Variants in ITCH observed in about 807,000 individuals in gnomAD.
ITCH encodes itchy E3 ubiquitin protein ligase.
In ITCH, 28 loss-of-function variants were observed where a neutral mutation model predicts 126.8. That is an observed-to-expected ratio of 0.22 (90% CI 0.16 to 0.30). The LOEUF is 0.30. Among genes scored for constraint, ITCH ranks in the 10% least tolerant of loss-of-function variants. The pLI, the probability that ITCH is intolerant of heterozygous loss-of-function variation, is 1.00. For missense variants in ITCH, 631 were observed against 1,032.4 expected, an observed-to-expected ratio of 0.61 and a Z score of 5.33; for synonymous variants, 342 against 340.0, an observed-to-expected ratio of 1.01 and a Z score of -0.06.
chr20:34,476,545 T>G, intron 16 of ITCH: 4 of 877,772 alleles, frequency 4.6e-6, no homozygotes, highest in Non-Finnish European at 5.9e-6. Flanking sequence ...CTCATTTGCG[T>G]TGCTGTATAC....
At chr20:34,434,904 A>G (rs1982803786) in intron 7 of ITCH, among the ~76,000 whole-genome samples, 1 of 152,186 alleles carries the variant, frequency 6.6e-6, no homozygotes, top group African/African-American at 2.4e-5. Context: ...AGTTTTAGGT[A>G]TTTGAATACT....
At chr20:34,432,048 CAAAAA>C (rs10668679) in intron 7 of ITCH, among the ~76,000 whole-genome samples, 2 of 92,232 alleles carry the variant, frequency 2.2e-5, no homozygotes, top group East Asian at 3.3e-4. Context: ...GATTCTATGT[CAAAAA>C]AAAAAAAAAA....
chr20:34,445,021 C>T (rs1009784164), intron 10 of ITCH, among the ~76,000 whole-genome samples: 1 of 152,170 alleles, frequency 6.6e-6, no homozygotes, highest in African/African-American at 2.4e-5. Context: ...GTAAAAACAA[C>T]ATTGAAAAGA....
At chr20:34,469,983 C>T in intron 14 of ITCH, 65 bp from the exon 15 acceptor site, 1 of 1,327,998 alleles carries the variant, frequency 7.5e-7, no homozygotes, top group Non-Finnish European at 1.1e-6. Context: ...GGATATTTTG[C>T]TTTCCTTCAG....
intron 10 of ITCH, among the ~76,000 whole-genome samples, chr20:34,443,100 T>G (rs1265059934): frequency 6.6e-6 from 1 of 152,140 alleles, no homozygotes; most frequent in African/African-American, 2.4e-5. Context: ...TAGAGCCCAG[T>G]CATATATTAA....
intron 2 of ITCH, among the ~76,000 whole-genome samples, chr20:34,386,489 A>G (rs1350420923): frequency 6.6e-6 from 1 of 152,144 alleles, no homozygotes; most frequent in African/African-American, 2.4e-5. Context: ...ATTGTTTGAG[A>G]GTTTGACTTC....
At chr20:34,481,379 A>G (rs933569893) in intron 20 of ITCH, among the ~76,000 whole-genome samples, 173 bp downstream of exon 20, 4 of 152,142 alleles carry the variant, frequency 2.6e-5, no homozygotes, top group Non-Finnish European at 5.9e-5. Flanking sequence ...AAGTGTTTTT[A>G]AAAGAGTTTT....
rs1362229895 is a variant in ITCH, at chr20:34,408,589, A to AT, written c.71-60dup. On this transcript the variant is annotated intron_variant, in intron 3 of 24. Coordinates refer to ENST00000374864, the MANE Select transcript of ITCH (RefSeq NM_031483.7). Reference sequence around the variant, plus strand: ...TAAATCTGCCTAATTATGAAGTTAAATTGATTTCATGAGTGAATTAACATC... The same window carrying AT: ...TAAATCTGCCTAATTATGAAGTTAAATTTGATTTCATGAGTGAATTAACATC... The AT allele has an allele frequency of 7.5e-6, 11 of 1,463,452 alleles. No homozygotes were observed. The Admixed American group carries it at 1.3e-4, about 17-fold the overall frequency. The allele number at this position is 1,463,452 out of a possible 1,614,324, so 90.7% of individuals were successfully genotyped here.
intron 3 of ITCH, among the ~76,000 whole-genome samples, chr20:34,399,712 G>A (rs867893293): frequency 1.3e-5 from 2 of 149,594 alleles, no homozygotes; most frequent in African/African-American, 2.5e-5. Context: ...GTGGTCATAC[G>A]TGCCTGTAAT....
At chr20:34,384,362 A>G (rs1241217057) in intron 2 of ITCH, 1 of 147,248 alleles carries the variant, frequency 6.8e-6, no homozygotes, top group African/African-American at 2.6e-5. Context: ...TCTCACTGCA[A>G]CCTCCGCCTT....
chr20:34,384,521 C>T (rs976219958), intron 2 of ITCH, among the ~76,000 whole-genome samples: 1 of 151,892 alleles, frequency 6.6e-6, no homozygotes, highest in African/African-American at 2.4e-5. Flanking sequence ...CCTTGTGATC[C>T]ACCCGCCTCA....
rs751357345 is a variant in ITCH, at chr20:34,492,593, C to T, written c.2412C>T (p.Leu804=). The change falls in exon 23 of 25, where the codon CTC becomes CTT. Residue 804 remains leucine (L), a synonymous_variant. Coordinates refer to ENST00000374864, the MANE Select transcript of ITCH (RefSeq NM_031483.7). ...CRLPVGGFAD[L]MGSNGPQKFC... is the part of the protein sequence containing the mutation. The stretch of plus-strand genomic sequence containing the variant: ...TGCCAGTAGGAGGATTTGCTGATCT[C>T]ATGGGTATGTATACAGGATCACTTT... 11 of 1,598,486 alleles carry T rather than the reference C, an allele frequency of 6.9e-6. No homozygotes were observed. Among genetic ancestry groups the T allele is most frequent in the South Asian group, 2.2e-5 (2 of 90,716 alleles).
chr20:34,471,475 C>T lies in ITCH; in HGVS notation c.1529C>T (p.Thr510Ile). 1 of 1,607,472 alleles carries T rather than the reference C, an allele frequency of 6.2e-7. No homozygotes were observed. The highest frequency in any genetic ancestry group is 8.5e-7 in the Non-Finnish European group (1 of 1,173,952). The part of the protein sequence containing the change: ...QLAMPQHIKI[T>I]VTRKTLFEDS... ...GCCATGCCACAGCACATAAAGATTA[C>T]AGTGACAAGAAAAACATTGTTTGAG... Residue 510 changes from threonine to isoleucine, a missense_variant, in exon 16 of 25, where the codon ACA (threonine) becomes ATA (isoleucine). This residue lies in a region of ITCH where 390 missense variants were observed against 731.6 expected (regional missense o/e 0.53). Coordinates refer to ENST00000374864, the MANE Select transcript of ITCH (RefSeq NM_031483.7).
In ITCH at chr20:34,456,192, A is replaced by G. The variant is rs1210502543; in HGVS notation, c.1211-1198A>G. ...TGTGTGTGTGTGTGTGTGTATATAT[A>G]TATATATATATATATATATATATTT... On this transcript the variant is annotated intron_variant, in intron 12 of 24. Transcript: ENST00000374864. Among the ~76,000 whole-genome samples the G allele has an allele frequency of 8.9e-3, 384 of 43,268 alleles. 4 individuals are homozygous for G. Among genetic ancestry groups the G allele is most frequent in the African/African-American group, 0.051 (328 of 6,456 alleles). 28.4% of individuals were successfully genotyped at this position (43,268 alleles called of 152,430 possible).
At chr20:34,374,385 C>T (rs1250264039) in intron 2 of ITCH, among the ~76,000 whole-genome samples, 1 of 152,048 alleles carries the variant, frequency 6.6e-6, no homozygotes, top group Non-Finnish European at 1.5e-5. Flanking sequence ...GGCCAACTTG[C>T]CTAACTTCTT....
chr20:34,458,678 G>A (rs1462331702), intron 13 of ITCH, among the ~76,000 whole-genome samples: 1 of 152,084 alleles, frequency 6.6e-6, no homozygotes, highest in African/African-American at 2.4e-5. Context: ...TCTTTCTCCT[G>A]GCTTCTTGTA....
At chr20:34,388,446 C>T (rs6087578) in intron 2 of ITCH, among the ~76,000 whole-genome samples, 2 of 151,774 alleles carry the variant, frequency 1.3e-5, no homozygotes, top group Non-Finnish European at 2.9e-5. Flanking sequence ...TTGCAGTGGC[C>T]TTATCACAGC....
At chr20:34,394,957 C>T (rs1196653166) in intron 3 of ITCH, among the ~76,000 whole-genome samples, 3 of 151,852 alleles carry the variant, frequency 2.0e-5, no homozygotes, top group Non-Finnish European at 4.4e-5. Context: ...GTCAGCCAGG[C>T]ACGGTGGCTC....
intron 13 of ITCH, among the ~76,000 whole-genome samples, chr20:34,458,494 T>C (rs1352366100): frequency 6.6e-6 from 1 of 152,196 alleles, no homozygotes; most frequent in African/African-American, 2.4e-5. Context: ...CTTTGTAACA[T>C]GTTATAATAG....
Sources: gnomAD v4.1 joint callset for allele counts (sites outside exome capture counted in the v4.1 genomes callset) on GRCh38, gnomAD v4.1.1 for gene constraint, gnomAD v4.1.1 regional missense constraint, MANE v1.5 for transcripts, NCBI Gene and HGNC (gene_info 2026-07-23, HGNC 2026-07-21) for gene names.